Variants in PCDH15 observed in about 807,000 individuals in gnomAD.
PCDH15 encodes the protein protocadherin related 15.
PCDH15 carries 129 observed loss-of-function variants against 178.5 expected under a neutral mutation model. That is an observed-to-expected ratio of 0.72 (90% confidence interval 0.63 to 0.84). PCDH15 has a LOEUF of 0.84. Ranked by LOEUF, PCDH15 falls within the 40% of genes least tolerant of loss-of-function variation. The pLI is 0.00. For synonymous variants in PCDH15, 800 were observed against 732.0 expected, an observed-to-expected ratio of 1.09 and a Z score of -1.50; for missense variants, 2,230 against 2,099.9, an observed-to-expected ratio of 1.06 and a Z score of -1.21.
intron 1 of PCDH15, among the ~76,000 whole-genome samples, chr10:55,296,229 G>T (rs906262861): frequency 3.3e-5 from 5 of 152,072 alleles, no homozygotes; most frequent in Admixed American, 6.6e-5. Context: ...ATTGTTTAGA[G>T]GTTTTATGAA....
At chr10:54,481,597 T>C (rs1434161221) in intron 3 of PCDH15, among the ~76,000 whole-genome samples, 2 of 151,850 alleles carry the variant, frequency 1.3e-5, no homozygotes, top group Non-Finnish European at 2.9e-5. Context: ...ATCTAGAGGC[T>C]ACTCTAATAG....
intron 3 of PCDH15, among the ~76,000 whole-genome samples, chr10:54,863,464 C>T (rs913276334): frequency 2.6e-5 from 4 of 152,150 alleles, no homozygotes; most frequent in African/African-American, 9.7e-5. Flanking sequence ...ATGGCGTGAA[C>T]CCAGGAGGCG....
intron 2 of PCDH15, among the ~76,000 whole-genome samples, chr10:55,444,087 G>A (rs1839259732): frequency 6.8e-6 from 1 of 146,284 alleles, no homozygotes. Flanking sequence ...TGAACAATGA[G>A]AACATATGGG....
At chr10:54,810,698 G>A (rs983899205) in intron 3 of PCDH15, among the ~76,000 whole-genome samples, 10 of 152,008 alleles carry the variant, frequency 6.6e-5, no homozygotes, top group African/African-American at 1.9e-4. Flanking sequence ...ATTAACAAAG[G>A]ACCCTATTTG....
chr10:54,773,888 T>G (rs79585024), intron 1 of PCDH15, among the ~76,000 whole-genome samples: 6,394 of 152,058 alleles, frequency 0.042, 463 homozygotes, highest in African/African-American at 0.15. Context: ...TGATTTCTTA[T>G]GAAGTCAGCT....
chr10:55,581,244 T>C (rs1474271338), intron 2 of PCDH15, among the ~76,000 whole-genome samples: 1 of 151,948 alleles, frequency 6.6e-6, no homozygotes, highest in Non-Finnish European at 1.5e-5. Context: ...AAGGACAAAA[T>C]ATTTCCAAAA....
chr10:54,819,109 G>A (rs74335730), intron 3 of PCDH15, among the ~76,000 whole-genome samples: 2 of 151,946 alleles, frequency 1.3e-5, no homozygotes, highest in Admixed American at 1.3e-4. Flanking sequence ...AATTATTTCA[G>A]AACAGCATCT....
At position 55,305,720 on chromosome 10, in the gene PCDH15, A is replaced by G. The variant is rs141967084; in HGVS notation, c.-156+13879T>C. Among the ~76,000 whole-genome samples the G allele has an allele frequency of 1.5e-4, 23 of 152,334 alleles. No homozygotes were observed. The East Asian group carries it at 4.2e-3, about 28-fold the overall frequency. ...CACTGGATAAGGCAGTGCTTCACTG[A>G]GAATGTCAATTTTCCCATTTGTAAA... On this transcript the variant is annotated intron_variant, in intron 1 of 5. Coordinates refer to the PCDH15 transcript ENST00000458638.
chr10:55,332,095 G>A (rs1202796727), intron 2 of PCDH15, among the ~76,000 whole-genome samples: 1 of 152,054 alleles, frequency 6.6e-6, no homozygotes, highest in East Asian at 1.9e-4. Flanking sequence ...CTATGTAAAT[G>A]TCAATTATTT....
In PCDH15 at chr10:55,453,313, G is replaced by C. The variant is rs536316730; in HGVS notation, c.-156+174312C>G. Among the ~76,000 whole-genome samples the C allele has an allele frequency of 2.5e-4, 38 of 152,296 alleles. No homozygotes were observed. The South Asian group carries it at 7.2e-3, about 29-fold the overall frequency. On this transcript the variant is annotated intron_variant, in intron 2 of 5. Transcript: ENST00000613346. ...ATAACATTTTCTGATTTGAAATACA[G>C]ACAATAAAATATTGTTTTCTTACTG...
intron 2 of PCDH15, among the ~76,000 whole-genome samples, chr10:55,382,319 G>A (rs117690865): frequency 6.6e-6 from 1 of 152,130 alleles, no homozygotes; most frequent in Non-Finnish European, 1.5e-5. Flanking sequence ...AATTAAGGCT[G>A]CTAATCAGCT....
At chr10:55,107,484 C>CTTTT (rs11290952) in intron 2 of PCDH15, among the ~76,000 whole-genome samples, 62 of 86,212 alleles carry the variant, frequency 7.2e-4, no homozygotes, top group Non-Finnish European at 7.9e-4. Context: ...ATTCTCTTTC[C>CTTTT]TTTTTTTTTT....
chr10:55,342,421 T>C (rs984822483), intron 2 of PCDH15, among the ~76,000 whole-genome samples: 1 of 152,026 alleles, frequency 6.6e-6, no homozygotes, highest in East Asian at 1.9e-4. Context: ...GAATTGTGCA[T>C]AGTAATATTA....
chr10:54,326,398 T>C (rs1456396063), intron 7 of PCDH15, among the ~76,000 whole-genome samples: 1 of 152,178 alleles, frequency 6.6e-6, no homozygotes, highest in Admixed American at 6.6e-5. Context: ...CACATATATA[T>C]GCATACATAT....
At chr10:54,461,662 T>C (rs2077172608) in intron 3 of PCDH15, among the ~76,000 whole-genome samples, 1 of 152,176 alleles carries the variant, frequency 6.6e-6, no homozygotes, top group Admixed American at 6.6e-5. Flanking sequence ...GCTTCAGACC[T>C]TGAGAAACTT....
At chr10:54,601,135 T>C (rs1051200737) in intron 2 of PCDH15, among the ~76,000 whole-genome samples, 1 of 152,032 alleles carries the variant, frequency 6.6e-6, no homozygotes, top group African/African-American at 2.4e-5. Flanking sequence ...ATGTGAAATG[T>C]CATAGCAGTA....
At chr10:55,204,503 T>A (rs968557706) in intron 1 of PCDH15, among the ~76,000 whole-genome samples, 2 of 152,098 alleles carry the variant, frequency 1.3e-5, no homozygotes, top group Non-Finnish European at 2.9e-5. Flanking sequence ...TCATTTCAAT[T>A]ATCCTTAGAA....
At chr10:53,985,105 A>G (rs2091003407) in intron 21 of PCDH15, among the ~76,000 whole-genome samples, 2 of 152,234 alleles carry the variant, frequency 1.3e-5, no homozygotes, top group Admixed American at 1.3e-4. Context: ...TCACAGACCC[A>G]TAAATAAAAA....
intron 2 of PCDH15, among the ~76,000 whole-genome samples, chr10:54,572,807 T>TA (rs1284957568): frequency 2.4e-4 from 36 of 152,204 alleles, no homozygotes; most frequent in African/African-American, 8.2e-4. Flanking sequence ...TTCAAACAAG[T>TA]AACCAGAAAA....
Sources: gnomAD v4.1 joint callset for allele counts (sites outside exome capture counted in the v4.1 genomes callset) on GRCh38, gnomAD v4.1.1 for gene constraint, MANE v1.5 for transcripts, NCBI Gene and HGNC (gene_info 2026-07-23, HGNC 2026-07-21) for gene names.